ITSN1: variants seen among roughly 807,000 people sequenced by gnomAD.
ITSN1 encodes intersectin 1, also known as intersectin-1.
In ITSN1, 58 loss-of-function variants were observed where a neutral mutation model predicts 239.8. The ratio of observed to expected loss-of-function variants is 0.24; its 90% CI spans 0.20 to 0.30. ITSN1 has a LOEUF of 0.30. Among genes scored for constraint, ITSN1 ranks in the 10% least tolerant of loss-of-function variants. The pLI, the probability that ITSN1 is intolerant of heterozygous loss-of-function variation, is 1.00. For synonymous variants in ITSN1, 780 were observed against 770.8 expected (o/e 1.01, Z -0.20); for missense variants, 1,558 against 2,103.3 (o/e 0.74, Z 5.07).
intron 31 of ITSN1, among the ~76,000 whole-genome samples, chr21:33,863,467 C>A (rs1341388536): frequency 1.3e-5 from 2 of 152,134 alleles, no homozygotes; most frequent in Non-Finnish European, 2.9e-5. Flanking sequence ...ACCAGCCTGG[C>A]CAACATGGCG....
At chr21:33,881,203 T>G (rs9976022) in intron 34 of ITSN1, among the ~76,000 whole-genome samples, 1 of 151,846 alleles carries the variant, frequency 6.6e-6, no homozygotes, top group Non-Finnish European at 1.5e-5. Context: ...GTCAGGAGAT[T>G]GAGACCATCC....
chr21:33,680,144 T>G (rs1198045407), intron 1 of ITSN1, among the ~76,000 whole-genome samples: 1 of 152,114 alleles, frequency 6.6e-6, no homozygotes, highest in East Asian at 1.9e-4. Context: ...ATCTTCTAAT[T>G]AAGAAAAATA....
At chr21:33,658,708 C>T (rs893069527) in intron 1 of ITSN1, among the ~76,000 whole-genome samples, 1 of 152,192 alleles carries the variant, frequency 6.6e-6, no homozygotes, top group African/African-American at 2.4e-5. Flanking sequence ...TTCTGACCAA[C>T]CTCTTCCTCT....
Position 33,671,434 on chromosome 21 carries a change from C to T in ITSN1, c.-33+28721C>T, listed in dbSNP as rs541034454. Reference sequence around the variant, plus strand: ...CCGGAGTAGCTGGGATTACAGGCGCCGGCCACCACGCCCGACTAATTTTGT... The same window carrying T: ...CCGGAGTAGCTGGGATTACAGGCGCTGGCCACCACGCCCGACTAATTTTGT... On this transcript the variant is annotated intron_variant, in intron 1 of 39. Transcript: ENST00000381318. 2.3e-3 allele frequency among the ~76,000 whole-genome samples: 351 copies of T among 151,862 alleles called. 1 individual carries two copies. The highest frequency in any genetic ancestry group is 8.0e-3 in the African/African-American group (330 of 41,478).
In ITSN1 at chr21:33,755,418, G is replaced by A. The variant is rs541452865; in HGVS notation, c.724+21G>A. On this transcript the variant is annotated intron_variant, in intron 8 of 39. Coordinates refer to ENST00000381318, the MANE Select transcript of ITSN1 (RefSeq NM_003024.3). ...AACAGGTATTTACAAATAAAAATTAGTGAAATATGATCTTTGTTTTCAATG... is the reference window on the plus strand; with the variant it reads ...AACAGGTATTTACAAATAAAAATTAATGAAATATGATCTTTGTTTTCAATG... The A allele has an allele frequency of 8.5e-6, 11 of 1,297,088 alleles. No individual in the cohort carries two copies. In the African/African-American group the frequency reaches 1.2e-4, roughly 14 times the overall value. 80.3% of individuals were successfully genotyped at this position (1,297,088 alleles called of 1,614,324 possible).
At chr21:33,765,154 T>C (rs1232753163) in intron 9 of ITSN1, among the ~76,000 whole-genome samples, 1 of 152,252 alleles carries the variant, frequency 6.6e-6, no homozygotes, top group Non-Finnish European at 1.5e-5. Context: ...TCTTATAAAC[T>C]GTAAAATATT....
intron 1 of ITSN1, among the ~76,000 whole-genome samples, chr21:33,706,709 CACCATTTGTTCT>C (rs1335655816): frequency 6.6e-6 from 1 of 152,132 alleles, no homozygotes; most frequent in African/African-American, 2.4e-5. Flanking sequence ...TTACAGTCCA[CACCATTTGTTCT>C]ATCCTTTCAA....
At chr21:33,856,225 T>C (rs1169122435) in intron 29 of ITSN1, among the ~76,000 whole-genome samples, 1 of 152,264 alleles carries the variant, frequency 6.6e-6, no homozygotes, top group Non-Finnish European at 1.5e-5. Context: ...ATTATTTTCG[T>C]GTTTCTGATG....
intron 29 of ITSN1, among the ~76,000 whole-genome samples, chr21:33,845,507 A>G (rs2148444060): frequency 6.6e-6 from 1 of 151,908 alleles, no homozygotes; most frequent in East Asian, 1.9e-4. Flanking sequence ...CCGAGATAAA[A>G]GACCCGAATC....
chr21:33,771,981 A>T (rs1235224831), intron 11 of ITSN1, 80 bp from the exon 12 acceptor site: 6 of 1,511,624 alleles, frequency 4.0e-6, no homozygotes, highest in Non-Finnish European at 5.4e-6. Flanking sequence ...ACAAATTTCA[A>T]ATACATTGGT....
intron 22 of ITSN1, chr21:33,817,177 A>G: frequency 8.1e-7 from 1 of 1,233,276 alleles, no homozygotes; most frequent in South Asian, 1.4e-5. Flanking sequence ...AGATACTGTA[A>G]TGGTTTAATG....
At chr21:33,702,093 ATTTTTTTTTTTTTTTTTTTTTT>A (rs1162454097) in intron 1 of ITSN1, among the ~76,000 whole-genome samples, 23 of 148,718 alleles carry the variant, frequency 1.5e-4, no homozygotes, top group Non-Finnish European at 1.6e-4. Flanking sequence ...AAACAAAAAA[ATTTTTTTTTTTTTTTTTTTTTT>A]TTTTTTTTTT....
At position 33,864,340 on chromosome 21, in the gene ITSN1, G is replaced by A. The variant is rs530472039; in HGVS notation, c.3891-811G>A. On this transcript the variant is annotated intron_variant, in intron 31 of 39. Transcript: ENST00000381318. ...TGGTCCTGCCATGTAGTACCTTGCT[G>A]TCCTTACCGTGTATAAGCTCAGTGC... Among the ~76,000 whole-genome samples the A allele has an allele frequency of 1.3e-4, 20 of 152,254 alleles. No individual in the cohort carries two copies. The East Asian group carries it at 3.1e-3, about 24-fold the overall frequency.
At chr21:33,805,313 T>C (rs2072329538) in intron 20 of ITSN1, among the ~76,000 whole-genome samples, 1 of 152,378 alleles carries the variant, frequency 6.6e-6, no homozygotes, top group Non-Finnish European at 1.5e-5. Flanking sequence ...GTTACTCTTA[T>C]AACAATTTTT....
intron 4 of ITSN1, among the ~76,000 whole-genome samples, chr21:33,725,593 C>G (rs2065785365): frequency 6.6e-6 from 1 of 151,956 alleles, no homozygotes; most frequent in African/African-American, 2.4e-5. Flanking sequence ...GACCCTGTCT[C>G]TAAAAAATAA....
intron 33 of ITSN1, among the ~76,000 whole-genome samples, chr21:33,870,670 A>C (rs1982555690): frequency 6.6e-6 from 1 of 152,240 alleles, no homozygotes; most frequent in Non-Finnish European, 1.5e-5. Context: ...TCACACCCAT[A>C]ATACCAGCAC....
intron 5 of ITSN1, among the ~76,000 whole-genome samples, chr21:33,741,302 T>C (rs2066833558): frequency 6.6e-6 from 1 of 152,310 alleles, no homozygotes; most frequent in East Asian, 1.9e-4. Flanking sequence ...AGTATAGTTA[T>C]CAAAAGAACC....
chr21:33,700,231 C>T (rs1452630698), intron 1 of ITSN1, among the ~76,000 whole-genome samples: 1 of 151,980 alleles, frequency 6.6e-6, no homozygotes, highest in Admixed American at 6.6e-5. Flanking sequence ...ATTGCAGGTG[C>T]CCACCACCAT....
At chr21:33,771,726 C>T (rs2069175311) in intron 11 of ITSN1, among the ~76,000 whole-genome samples, 1 of 152,066 alleles carries the variant, frequency 6.6e-6, no homozygotes, top group East Asian at 1.9e-4. Flanking sequence ...GAGACAGAGA[C>T]TCATGGTCCA....
Sources: gnomAD v4.1 joint callset for allele counts (sites outside exome capture counted in the v4.1 genomes callset) on GRCh38, gnomAD v4.1.1 for gene constraint, MANE v1.5 for transcripts, NCBI Gene and HGNC (gene_info 2026-07-23, HGNC 2026-07-21) for gene names.